Variants in GPM6A observed in about 807,000 individuals in gnomAD.
GPM6A encodes neuronal membrane glycoprotein M6-a.
Under a neutral mutation model 32.1 loss-of-function variants are expected in GPM6A, and 7 were observed. The observed-to-expected ratio is 0.22, with a 90% CI of 0.12 to 0.41. The LOEUF (loss-of-function observed/expected upper bound fraction) is 0.41. Ranked by LOEUF, GPM6A falls within the 10% of genes least tolerant of loss-of-function variation. The probability of loss-of-function intolerance (pLI) is 1.00; values close to 1 mark genes in which losing one functional copy is unlikely to be tolerated. For synonymous variants in GPM6A, 130 were observed against 123.4 expected (o/e 1.05, Z -0.35); for missense variants, 235 against 347.2 (o/e 0.68, Z 2.57).
intron 1 of GPM6A, among the ~76,000 whole-genome samples, chr4:175,909,264 A>G (rs1240220815): frequency 1.3e-5 from 2 of 152,150 alleles, no homozygotes; most frequent in East Asian, 1.9e-4. Context: ...AGTCAAACAC[A>G]TATCAGCGGT....
intron 1 of GPM6A, among the ~76,000 whole-genome samples, chr4:175,728,295 A>C (rs1411397805): frequency 6.6e-6 from 1 of 152,180 alleles, no homozygotes; most frequent in Non-Finnish European, 1.5e-5. Context: ...ACTAAAAATG[A>C]TCCATCACCA....
chr4:175,861,951 TA>T (rs1473006520), intron 1 of GPM6A, among the ~76,000 whole-genome samples: 6 of 151,750 alleles, frequency 4.0e-5, no homozygotes, highest in Admixed American at 2.6e-4. Flanking sequence ...ATATTTTCTA[TA>T]AAAAAGTATT....
At chr4:175,878,733 C>T (rs1378782107) in intron 1 of GPM6A, among the ~76,000 whole-genome samples, 1 of 152,144 alleles carries the variant, frequency 6.6e-6, no homozygotes, top group Non-Finnish European at 1.5e-5. Flanking sequence ...GGGTGGTTAA[C>T]ATTTGTCTCC....
At chr4:175,713,375 T>C (rs958731803) in intron 1 of GPM6A, among the ~76,000 whole-genome samples, 1 of 152,004 alleles carries the variant, frequency 6.6e-6, no homozygotes, top group Admixed American at 6.6e-5. Flanking sequence ...GCTAATTTAG[T>C]AGAGACGGGG....
intron 1 of GPM6A, among the ~76,000 whole-genome samples, chr4:175,924,487 G>A (rs1173294765): frequency 6.6e-6 from 1 of 152,102 alleles, no homozygotes; most frequent in Admixed American, 6.5e-5. Flanking sequence ...GATAGGTGAG[G>A]TGTATATGAA....
At chr4:175,813,467 A>C (rs1255940330), upstream of GPM6A, among the ~76,000 whole-genome samples, 2 of 152,110 alleles carry the variant, frequency 1.3e-5, no homozygotes, top group East Asian at 3.9e-4. Context: ...GAGTAGAAAG[A>C]AAGGATCCTT....
chr4:175,926,950 T>C (rs1045876862), intron 1 of GPM6A, among the ~76,000 whole-genome samples: 16 of 152,244 alleles, frequency 1.1e-4, no homozygotes, highest in African/African-American at 3.6e-4. Flanking sequence ...CTTACAATAG[T>C]ATTTTAGTAA....
intron 1 of GPM6A, among the ~76,000 whole-genome samples, chr4:175,873,673 A>G (rs1234783357): frequency 6.6e-6 from 1 of 152,284 alleles, no homozygotes; most frequent in Non-Finnish European, 1.5e-5. Context: ...TTGTTCTCCC[A>G]TTATTTTCAG....
intron 1 of GPM6A, among the ~76,000 whole-genome samples, chr4:175,735,446 A>G (rs1731617587): frequency 6.6e-6 from 1 of 152,232 alleles, no homozygotes; most frequent in Non-Finnish European, 1.5e-5. Context: ...TGTGAAATGT[A>G]ATGAATGCAT....
At chr4:175,684,060 A>G (rs1168215920) in intron 2 of GPM6A, among the ~76,000 whole-genome samples, 2 of 151,840 alleles carry the variant, frequency 1.3e-5, no homozygotes, top group African/African-American at 2.4e-5. Context: ...CAAACTCCTG[A>G]CCTCGTGATC....
chr4:175,976,379 G>C (rs988797409), intron 1 of GPM6A, among the ~76,000 whole-genome samples: 4 of 147,132 alleles, frequency 2.7e-5, no homozygotes, highest in Middle Eastern at 3.6e-3. Context: ...TGTTAGCCAC[G>C]ATGGTCTCGA....
intron 1 of GPM6A, among the ~76,000 whole-genome samples, chr4:175,852,353 T>C (rs377401114): frequency 6.6e-6 from 1 of 152,208 alleles, no homozygotes; most frequent in African/African-American, 2.4e-5. Flanking sequence ...TAAGAACCAA[T>C]GGATACTTAC....
At chr4:175,674,958 T>C (rs1296544646) in intron 2 of GPM6A, among the ~76,000 whole-genome samples, 1 of 151,678 alleles carries the variant, frequency 6.6e-6, no homozygotes, top group Non-Finnish European at 1.5e-5. Flanking sequence ...CTAGAAAATA[T>C]AAAAATGTGC....
chr4:175,910,099 T>C (rs547657721), intron 1 of GPM6A, among the ~76,000 whole-genome samples: 2 of 152,120 alleles, frequency 1.3e-5, no homozygotes, highest in Non-Finnish European at 2.9e-5. Context: ...AATATGTCCA[T>C]GGTGGCCAAT....
At chr4:175,997,923 T>A (rs1040031972) in intron 1 of GPM6A, among the ~76,000 whole-genome samples, 5 of 152,170 alleles carry the variant, frequency 3.3e-5, no homozygotes, top group Non-Finnish European at 4.4e-5. Flanking sequence ...GCAGTTGGCA[T>A]CCTTCTTCAA....
intron 1 of GPM6A, among the ~76,000 whole-genome samples, chr4:175,703,545 C>A (rs572852130): frequency 1.3e-5 from 2 of 152,264 alleles, no homozygotes; most frequent in African/African-American, 4.8e-5. Flanking sequence ...CCATCATGGT[C>A]ACTTTTGGTT....
intron 3 of GPM6A, among the ~76,000 whole-genome samples, chr4:175,668,542 T>TGTGTGTGTGTGTGTGTGTGTGTG (rs1560863089): frequency 1.6e-4 from 24 of 151,620 alleles, no homozygotes; most frequent in Admixed American, 3.3e-4. Context: ...TGTGTGTGTG[T>TGTGTGTGTGTGTGTGTGTGTGTG]TTATTTTAAA....
chr4:175,890,944 A>T (rs201085313), intron 1 of GPM6A, among the ~76,000 whole-genome samples: 1 of 152,208 alleles, frequency 6.6e-6, no homozygotes, highest in East Asian at 1.9e-4. Flanking sequence ...AAAATGATAC[A>T]TAGCCCAAAT....
At chr4:175,970,091 A>G (rs1740454877) in intron 1 of GPM6A, among the ~76,000 whole-genome samples, 1 of 152,224 alleles carries the variant, frequency 6.6e-6, no homozygotes, top group African/African-American at 2.4e-5. Flanking sequence ...CTTTCTAAAA[A>G]CATTTTTCAT....
Sources: gnomAD v4.1 joint callset for allele counts (sites outside exome capture counted in the v4.1 genomes callset) on GRCh38, gnomAD v4.1.1 for gene constraint, MANE v1.5 for transcripts, NCBI Gene and HGNC (gene_info 2026-07-23, HGNC 2026-07-21) for gene names.